Variants in CNTN4 observed in about 807,000 individuals in gnomAD.
The protein encoded by CNTN4 is contactin 4, also known as contactin-4.
In CNTN4, 77 loss-of-function variants were observed where a neutral mutation model predicts 122.5. That is an observed-to-expected ratio of 0.63 (90% CI 0.52 to 0.76). The LOEUF is 0.76. Among genes scored for constraint, CNTN4 ranks in the 30% least tolerant of loss-of-function variants. CNTN4 has a pLI of 0.00. For missense variants in CNTN4, 1,256 were observed against 1,259.1 expected (o/e 1.00, Z 0.04); for synonymous variants, 512 against 447.0 (o/e 1.15, Z -1.83).
rs141008782 is a variant in CNTN4, at chr3:2,385,604, C to G, written c.-89+46371C>G. Among the ~76,000 whole-genome samples the G allele has an allele frequency of 1.4e-3, 207 of 152,198 alleles. 1 individual carries two copies. Among genetic ancestry groups the G allele is most frequent in the African/African-American group, 4.7e-3 (197 of 41,540 alleles). On this transcript the variant is annotated intron_variant, in intron 3 of 24. Transcript: ENST00000418658. The surrounding 1 kb of genome is among the most constrained non-coding windows in gnomAD (Gnocchi z 4.0). ...TGTAACCTCTAGGGGAGGGTCGCATCTCTCAGCTTCTGTTAGCCCCAGTTG... is the reference window on the plus strand; with the variant it reads ...TGTAACCTCTAGGGGAGGGTCGCATGTCTCAGCTTCTGTTAGCCCCAGTTG...
intron 2 of CNTN4, among the ~76,000 whole-genome samples, chr3:2,164,970 G>A (rs571749223): frequency 6.6e-5 from 10 of 152,256 alleles, no homozygotes; most frequent in Admixed American, 2.0e-4. Flanking sequence ...GAGAAGGGGT[G>A]CAAGATATAT....
intron 3 of CNTN4, among the ~76,000 whole-genome samples, chr3:2,342,543 G>A (rs547551091): frequency 5.3e-5 from 8 of 152,246 alleles, no homozygotes; most frequent in Non-Finnish European, 1.0e-4. Flanking sequence ...CCCACCTGTC[G>A]TGGGAGGGAG....
At chr3:2,938,966 T>G (rs1486350465) in intron 13 of CNTN4, among the ~76,000 whole-genome samples, 2 of 152,212 alleles carry the variant, frequency 1.3e-5, no homozygotes, top group African/African-American at 4.8e-5. Context: ...CAGGCAGTGC[T>G]TTGTGCCTTC....
At chr3:2,328,027 T>G (rs914435550) in intron 2 of CNTN4, among the ~76,000 whole-genome samples, 1 of 152,208 alleles carries the variant, frequency 6.6e-6, no homozygotes, top group African/African-American at 2.4e-5. Flanking sequence ...CAAGAAGAAT[T>G]TGAACAAACA....
chr3:2,644,434 ACT>A (rs2083029034), intron 4 of CNTN4, among the ~76,000 whole-genome samples: 2 of 152,066 alleles, frequency 1.3e-5, no homozygotes, highest in South Asian at 4.2e-4. Context: ...CCTTTCAGAA[ACT>A]CTCTTGAGTC....
chr3:2,579,757 A>C (rs1274468124), intron 4 of CNTN4, among the ~76,000 whole-genome samples: 1 of 152,192 alleles, frequency 6.6e-6, no homozygotes, highest in African/African-American at 2.4e-5. Context: ...TTTAATATAT[A>C]TGTTAAATGT....
intron 6 of CNTN4, among the ~76,000 whole-genome samples, chr3:2,767,730 C>T (rs1354123920): frequency 6.6e-6 from 1 of 152,142 alleles, no homozygotes; most frequent in East Asian, 1.9e-4. Context: ...TCTATGATCA[C>T]GTCTTACGAT....
chr3:2,399,275 G>A (rs575774582), intron 3 of CNTN4, among the ~76,000 whole-genome samples: 30 of 152,052 alleles, frequency 2.0e-4, no homozygotes, highest in African/African-American at 6.7e-4. Context: ...AGCATGTTCA[G>A]CTTCCTCACT....
chr3:2,605,871 GA>G (rs746018207), intron 4 of CNTN4, among the ~76,000 whole-genome samples: 2 of 152,130 alleles, frequency 1.3e-5, no homozygotes, highest in Non-Finnish European at 2.9e-5. Context: ...TAAATAATTC[GA>G]ATAATAATTT....
chr3:2,464,347 G>A (rs748502554), intron 3 of CNTN4, among the ~76,000 whole-genome samples: 4 of 152,190 alleles, frequency 2.6e-5, no homozygotes, highest in Non-Finnish European at 4.4e-5. Context: ...AGGAAGTGGC[G>A]CATTAGGAAC....
At chr3:2,306,225 G>T (rs935928546) in intron 2 of CNTN4, among the ~76,000 whole-genome samples, 1 of 152,126 alleles carries the variant, frequency 6.6e-6, no homozygotes, top group African/African-American at 2.4e-5. Flanking sequence ...TTACCAAAGT[G>T]TTTGCATCAT....
At chr3:2,195,869 G>T (rs935609474) in intron 2 of CNTN4, among the ~76,000 whole-genome samples, 1 of 152,174 alleles carries the variant, frequency 6.6e-6, no homozygotes, top group Non-Finnish European at 1.5e-5. Flanking sequence ...TCTGGAGATG[G>T]AATTACATTC....
At chr3:2,706,678 A>G (rs770548580) in intron 4 of CNTN4, among the ~76,000 whole-genome samples, 1 of 152,156 alleles carries the variant, frequency 6.6e-6, no homozygotes, top group Non-Finnish European at 1.5e-5. Flanking sequence ...TGCTTAATCT[A>G]TATGACTGGG....
At chr3:2,606,260 T>C (rs1049188913) in intron 4 of CNTN4, among the ~76,000 whole-genome samples, 1 of 151,922 alleles carries the variant, frequency 6.6e-6, no homozygotes, top group African/African-American at 2.4e-5. Flanking sequence ...TATTGTAAGG[T>C]TTCAAACGGA....
At chr3:2,190,581 C>T (rs2037483539) in intron 2 of CNTN4, among the ~76,000 whole-genome samples, 1 of 151,724 alleles carries the variant, frequency 6.6e-6, no homozygotes, top group South Asian at 2.1e-4. Context: ...GTCTACAGTT[C>T]CAGGCCAGCA....
chr3:2,677,894 A>G (rs2084958571), intron 4 of CNTN4, among the ~76,000 whole-genome samples: 1 of 152,204 alleles, frequency 6.6e-6, no homozygotes, highest in African/African-American at 2.4e-5. Context: ...TGTGTATTTT[A>G]CACTACGGAA....
At chr3:3,006,693 T>A (rs71311729) in intron 14 of CNTN4, among the ~76,000 whole-genome samples, 2,646 of 152,304 alleles carry the variant, frequency 0.017, 29 homozygotes, top group Non-Finnish European at 0.027. Flanking sequence ...TGGGGCATAG[T>A]GAAAGGGACA....
rs73808812 is a variant in CNTN4 at position 3,026,389 on chromosome 3, T to A, written c.1662+112T>A. On this transcript the variant is annotated intron_variant, in intron 15 of 24. Coordinates refer to ENST00000418658, the MANE Select transcript of CNTN4 (RefSeq NM_175607.3). ...TTCAAGTAATCTTATGGCAAGAAAC[T>A]CTTGGTTAATTCCTGCTCCTTTTTG... 2,029 of 906,158 alleles carry A rather than the reference T, an allele frequency of 2.2e-3. 26 individuals are homozygous for A. The African/African-American group carries it at 0.029, about 13-fold the overall frequency. 56.1% of individuals were successfully genotyped at this position (906,158 alleles called of 1,614,324 possible).
intron 2 of CNTN4, among the ~76,000 whole-genome samples, chr3:2,112,780 C>T (rs1226562588): frequency 2.6e-5 from 4 of 151,880 alleles, no homozygotes; most frequent in African/African-American, 9.7e-5. Flanking sequence ...TTTTTTTCTT[C>T]TGGTAAGTTA....
Sources: allele counts gnomAD v4.1 joint callset (sites outside exome capture counted in the v4.1 genomes callset), GRCh38; gene constraint gnomAD v4.1.1; non-coding constraint Gnocchi (gnomAD v3.1); transcripts MANE v1.5; gene names NCBI Gene and HGNC (gene_info 2026-07-23, HGNC 2026-07-21).